ZNF385D: variants seen among roughly 807,000 people sequenced by gnomAD.
ZNF385D encodes zinc finger protein 659.
A neutral mutation model predicts 35.8 loss-of-function variants in ZNF385D; 15 were observed. The ratio of observed to expected loss-of-function variants is 0.42; its 90% CI spans 0.28 to 0.64. The LOEUF (loss-of-function observed/expected upper bound fraction) is 0.64. Among genes scored for constraint, ZNF385D ranks in the 30% least tolerant of loss-of-function variants. ZNF385D has a pLI of 0.23. For missense variants in ZNF385D, 474 were observed against 494.6 expected (o/e 0.96, Z 0.39); for synonymous variants, 212 against 186.8 (o/e 1.13, Z -1.10).
intron 2 of ZNF385D, among the ~76,000 whole-genome samples, chr3:22,307,746 TA>T (rs35316599): frequency 0.32 from 46,423 of 144,534 alleles, 7,326 homozygotes; most frequent in East Asian, 0.48. Context: ...GCCTCTGTTT[TA>T]AAAAAAAAAA....
chr3:21,782,427 G>A (rs187950791), intron 3 of ZNF385D, among the ~76,000 whole-genome samples: 3 of 152,022 alleles, frequency 2.0e-5, no homozygotes, highest in African/African-American at 7.2e-5. Context: ...TAGGATGTTC[G>A]TTTAAGGTCA....
intron 3 of ZNF385D, among the ~76,000 whole-genome samples, chr3:22,063,200 G>A (rs1699775109): frequency 6.6e-6 from 1 of 151,998 alleles, no homozygotes. Context: ...TTCTCTATCT[G>A]AATAATGGGA....
At chr3:22,179,036 T>C in intron 2 of ZNF385D, among the ~76,000 whole-genome samples, 1 of 152,148 alleles carries the variant, frequency 6.6e-6, no homozygotes. Flanking sequence ...CCAGCTTTGT[T>C]CTTTTGGCTT....
intron 3 of ZNF385D, among the ~76,000 whole-genome samples, chr3:21,811,116 T>C (rs565039694): frequency 1.3e-5 from 2 of 152,048 alleles, no homozygotes; most frequent in Non-Finnish European, 2.9e-5. Flanking sequence ...AAGAATTTAA[T>C]AAAAATAATC....
rs77722110 is a variant in ZNF385D at position 21,971,003 on chromosome 3, T to C, written c.325+197814A>G. Among the ~76,000 whole-genome samples, 557 of 152,174 alleles carry C rather than the reference T, an allele frequency of 3.7e-3. 3 individuals are homozygous for C. Among genetic ancestry groups the C allele is most frequent in the African/African-American group, 0.013 (533 of 41,544 alleles). On this transcript the variant is annotated intron_variant, in intron 3 of 5. Transcript: ENST00000494108. ...TCAAACAAAGGAGAAAGAAATAGTT[T>C]TCCAGACAATCAAAAGCTGAGGGAT...
chr3:21,841,138 A>G (rs929455858), intron 3 of ZNF385D, among the ~76,000 whole-genome samples: 6 of 152,076 alleles, frequency 3.9e-5, no homozygotes, highest in African/African-American at 1.4e-4. Context: ...GGCACCTACT[A>G]TGTATATTAC....
chr3:21,587,083 A>G (rs1402337967), intron 2 of ZNF385D, among the ~76,000 whole-genome samples: 2 of 152,182 alleles, frequency 1.3e-5, no homozygotes, highest in Non-Finnish European at 1.5e-5. Flanking sequence ...AATGGAGAAT[A>G]GTATATCTGG....
intron 2 of ZNF385D, among the ~76,000 whole-genome samples, chr3:22,288,571 A>G (rs1559500605): frequency 6.6e-6 from 1 of 151,954 alleles, no homozygotes; most frequent in Non-Finnish European, 1.5e-5. Context: ...CTTCAGTACT[A>G]TGATTTCTGT....
chr3:22,143,978 T>C (rs778370101), intron 3 of ZNF385D, among the ~76,000 whole-genome samples: 73 of 152,318 alleles, frequency 4.8e-4, no homozygotes, highest in Middle Eastern at 3.4e-3. Flanking sequence ...AAAGTAAGTA[T>C]TGTCAGCTAC....
At chr3:22,068,753 C>A (rs1419217567) in intron 3 of ZNF385D, among the ~76,000 whole-genome samples, 1 of 152,206 alleles carries the variant, frequency 6.6e-6, no homozygotes, top group African/African-American at 2.4e-5. Context: ...TGACTGATAA[C>A]TTTCTACAGC....
chr3:21,833,077 T>C (rs951524392), intron 3 of ZNF385D, among the ~76,000 whole-genome samples: 3 of 152,178 alleles, frequency 2.0e-5, no homozygotes, highest in African/African-American at 7.2e-5. Flanking sequence ...CATTTATTCA[T>C]TCATCAATCA....
chr3:21,922,342 CA>C (rs1222341850), intron 3 of ZNF385D, among the ~76,000 whole-genome samples: 2 of 151,870 alleles, frequency 1.3e-5, no homozygotes, highest in Non-Finnish European at 2.9e-5. Context: ...CACTCATAAG[CA>C]AAAAAGAATA....
intron 2 of ZNF385D, among the ~76,000 whole-genome samples, chr3:22,199,702 T>A (rs1417267349): frequency 6.6e-6 from 1 of 152,110 alleles, no homozygotes; most frequent in African/African-American, 2.4e-5. Context: ...TTTAAGTCAA[T>A]TTCCTAAAGC....
At chr3:21,809,693 T>A (rs1411280565) in intron 3 of ZNF385D, among the ~76,000 whole-genome samples, 1 of 149,364 alleles carries the variant, frequency 6.7e-6, no homozygotes, top group African/African-American at 2.5e-5. Context: ...TATACCTATA[T>A]ACATATATAC....
intron 3 of ZNF385D, among the ~76,000 whole-genome samples, chr3:21,834,032 G>A (rs987835783): frequency 3.3e-5 from 5 of 151,942 alleles, no homozygotes; most frequent in African/African-American, 4.8e-5. Context: ...ATTAATACAC[G>A]TAAAATATTT....
chr3:21,914,381 CTTTTTTTT>C (rs5847151), intron 3 of ZNF385D, among the ~76,000 whole-genome samples: 1 of 138,732 alleles, frequency 7.2e-6, no homozygotes, highest in Non-Finnish European at 1.6e-5. Context: ...TTTTGTTTGA[CTTTTTTTT>C]TTTTTTTTTT....
At chr3:22,043,849 G>A (rs988947063) in intron 3 of ZNF385D, among the ~76,000 whole-genome samples, 6 of 152,100 alleles carry the variant, frequency 3.9e-5, no homozygotes, top group Middle Eastern at 3.2e-3. Context: ...CTACTTGCAT[G>A]CTTGCTTTGA....
chr3:21,908,880 T>C (rs1010095369), intron 3 of ZNF385D, among the ~76,000 whole-genome samples: 1 of 152,114 alleles, frequency 6.6e-6, no homozygotes, highest in African/African-American at 2.4e-5. Context: ...CTGTTAAAAA[T>C]GTTATATGAC....
At chr3:22,133,440 G>A (rs1026030499) in intron 3 of ZNF385D, 1 of 151,010 alleles carries the variant, frequency 6.6e-6, no homozygotes, top group Non-Finnish European at 1.5e-5. Flanking sequence ...GAGAGAGAAA[G>A]GTTATATAAC....
Sources: gnomAD v4.1 joint callset for allele counts (sites outside exome capture counted in the v4.1 genomes callset) on GRCh38, gnomAD v4.1.1 for gene constraint, MANE v1.5 for transcripts, NCBI Gene and HGNC (gene_info 2026-07-23, HGNC 2026-07-21) for gene names.